Variants in PRDM16 observed in about 807,000 individuals in gnomAD.
The protein encoded by PRDM16 is histone-lysine N-methyltransferase PRDM16.
In PRDM16, 23 loss-of-function variants were observed where a neutral mutation model predicts 110.6. That is an observed-to-expected ratio of 0.21 (90% confidence interval 0.15 to 0.29). The LOEUF (loss-of-function observed/expected upper bound fraction) is 0.29. PRDM16 is among the 10% of genes least tolerant of loss of function. PRDM16 has a pLI of 1.00. For missense variants in PRDM16, 1,615 were observed against 1,794.3 expected (o/e 0.90, Z 1.81); for synonymous variants, 799 against 781.8 (o/e 1.02, Z -0.37).
intron 3 of PRDM16, among the ~76,000 whole-genome samples, chr1:3,355,775 G>GC (rs1005191892): frequency 6.6e-6 from 1 of 152,188 alleles, no homozygotes; most frequent in African/African-American, 2.4e-5. Flanking sequence ...CGGTCCACTT[G>GC]CCCCCAAGAC....
chr1:3,093,769 C>T (rs558529664), intron 1 of PRDM16, among the ~76,000 whole-genome samples: 61 of 152,282 alleles, frequency 4.0e-4, no homozygotes, highest in African/African-American at 1.2e-3. Flanking sequence ...TCAGGGCAAA[C>T]GCCCACTCCC....
chr1:3,110,428 TCCTGGGTGTGC>T (rs1642763899), intron 1 of PRDM16, among the ~76,000 whole-genome samples: 3 of 141,220 alleles, frequency 2.1e-5, no homozygotes, highest in African/African-American at 5.5e-5. Context: ...CTCCCCCATG[TCCTGGGTGTGC>T]AGACACAGTG....
At chr1:3,391,015 T>C (rs1008920417) in intron 4 of PRDM16, among the ~76,000 whole-genome samples, 4 of 152,126 alleles carry the variant, frequency 2.6e-5, no homozygotes, top group South Asian at 2.1e-4. Context: ...TTGTATTTTT[T>C]AGTAGAGACA....
At chr1:3,139,676 T>C (rs1643508891) in intron 1 of PRDM16, among the ~76,000 whole-genome samples, 1 of 152,244 alleles carries the variant, frequency 6.6e-6, no homozygotes, top group African/African-American at 2.4e-5. Flanking sequence ...CTCATCTCTG[T>C]GCAGAGAACT....
At chr1:3,411,336 T>G in intron 8 of PRDM16, 48 bp from the exon 9 acceptor site, 6 of 1,561,090 alleles carry the variant, frequency 3.8e-6, no homozygotes, top group Non-Finnish European at 5.2e-6. Context: ...CAGCAGGGTT[T>G]CCCGGTCATT....
chr1:3,331,032 G>A (rs749155776), intron 3 of PRDM16, among the ~76,000 whole-genome samples: 3 of 152,202 alleles, frequency 2.0e-5, no homozygotes, highest in South Asian at 2.1e-4. Flanking sequence ...ATAAGGCCCC[G>A]CTAAACCCCA....
In PRDM16 at chr1:3,305,327, G is replaced by A. The variant is rs1641289081; in HGVS notation, c.438+61190G>A. 3.3e-5 allele frequency among the ~76,000 whole-genome samples: 5 copies of A among 152,316 alleles called. No homozygotes were observed. The South Asian group carries it at 1.0e-3, about 32-fold the overall frequency. Reference sequence around the variant, plus strand: ...GTCCGGCACATGCAGGGACCTGATGGGACGGGGACCTGCAGTTGCCCCGCA... The same window carrying A: ...GTCCGGCACATGCAGGGACCTGATGAGACGGGGACCTGCAGTTGCCCCGCA... On this transcript the variant is annotated intron_variant, in intron 3 of 16. Transcript: ENST00000270722.
chr1:3,386,535 C>A (rs1179384143), intron 4 of PRDM16: 1 of 152,122 alleles, frequency 6.6e-6, no homozygotes, highest in Non-Finnish European at 1.5e-5. Flanking sequence ...TACGCTACTA[C>A]CAGGACTTCC....
At chr1:3,385,539 C>T (rs1226213999) in intron 4 of PRDM16, among the ~76,000 whole-genome samples, 2 of 152,130 alleles carry the variant, frequency 1.3e-5, no homozygotes, top group African/African-American at 4.8e-5. Context: ...TCCTGAACCC[C>T]GAGATGGTGG....
At chr1:3,401,322 C>T (rs958528927) in intron 5 of PRDM16, among the ~76,000 whole-genome samples, 4 of 152,208 alleles carry the variant, frequency 2.6e-5, no homozygotes, top group Admixed American at 6.5e-5. Context: ...CCCCCGTCTC[C>T]GCGGCAATCC....
chr1:3,327,647 G>T (rs1641945648), intron 3 of PRDM16, among the ~76,000 whole-genome samples: 1 of 151,090 alleles, frequency 6.6e-6, no homozygotes, highest in Non-Finnish European at 1.5e-5. Context: ...GGAGGCGGAG[G>T]TTACAGTGGC....
intron 1 of PRDM16, among the ~76,000 whole-genome samples, chr1:3,162,206 C>T (rs1053997144): frequency 2.8e-4 from 43 of 152,164 alleles, no homozygotes; most frequent in Admixed American, 2.8e-3. Context: ...CTCTCTGTGC[C>T]CAGGATTTTC....
intron 1 of PRDM16, among the ~76,000 whole-genome samples, chr1:3,142,864 G>A (rs36012988): frequency 0.066 from 10,086 of 152,270 alleles, 437 homozygotes; most frequent in East Asian, 0.12. Context: ...TACAGGCTGC[G>A]GAGGGTAGCC....
chr1:3,181,408 ACGCAGTCTTACACACG>A (rs1249996934), intron 1 of PRDM16, among the ~76,000 whole-genome samples: 1 of 68,214 alleles, frequency 1.5e-5, no homozygotes, highest in East Asian at 5.1e-4. Flanking sequence ...GGTCTTACAC[ACGCAGTCTTACACACG>A]CGGTCTTACA....
At chr1:3,272,573 C>T (rs926522714) in intron 3 of PRDM16, among the ~76,000 whole-genome samples, 10 of 152,230 alleles carry the variant, frequency 6.6e-5, no homozygotes, top group African/African-American at 1.4e-4. Context: ...GACGTCCCGC[C>T]AGTGAGCCTG....
At chr1:3,078,372 C>T (rs1048444129) in intron 1 of PRDM16, among the ~76,000 whole-genome samples, 5 of 152,218 alleles carry the variant, frequency 3.3e-5, no homozygotes, top group African/African-American at 1.2e-4. Context: ...TCTGTGTCCT[C>T]ACTGGGGAGT....
intron 2 of PRDM16, among the ~76,000 whole-genome samples, chr1:3,199,119 C>T (rs908531982): frequency 5.3e-5 from 8 of 152,168 alleles, no homozygotes; most frequent in African/African-American, 1.9e-4. Flanking sequence ...GGAGAGAGTG[C>T]TGTGCGGGGT....
rs981952125 is a variant in PRDM16, at chr1:3,359,874, T to G, written c.439-25278T>G. ...CGACAAGGGCTTCCAATGTGTTCCATGTGCAGGATCTCTTGGAAGACGGAT... is the reference window on the plus strand; with the variant it reads ...CGACAAGGGCTTCCAATGTGTTCCAGGTGCAGGATCTCTTGGAAGACGGAT... On this transcript the variant is annotated intron_variant, in intron 3 of 16. Coordinates refer to ENST00000270722, the MANE Select transcript of PRDM16 (RefSeq NM_022114.4). This position sits in a 1 kb window ranked among gnomAD's most constrained non-coding sequence, Gnocchi z 4.3. Among the ~76,000 whole-genome samples the G allele has an allele frequency of 7.1e-6, 1 of 140,320 alleles. No homozygotes were observed. The highest frequency in any genetic ancestry group is 3.3e-5 in the African/African-American group (1 of 30,274). The allele number at this position is 140,320 out of a possible 152,430, so 92.1% of individuals were successfully genotyped here.
At chr1:3,250,341 G>C (rs1307639221) in intron 3 of PRDM16, among the ~76,000 whole-genome samples, 3 of 152,164 alleles carry the variant, frequency 2.0e-5, no homozygotes, top group Non-Finnish European at 2.9e-5. Context: ...GGGGTAGGGC[G>C]GTCCCGCAGG....
Sources: allele counts gnomAD v4.1 joint callset (sites outside exome capture counted in the v4.1 genomes callset), GRCh38; gene constraint gnomAD v4.1.1; non-coding constraint Gnocchi (gnomAD v3.1); transcripts MANE v1.5; gene names NCBI Gene and HGNC (gene_info 2026-07-23, HGNC 2026-07-21).